GATAD2B: variants seen among roughly 807,000 people sequenced by gnomAD.
GATAD2B encodes the protein transcriptional repressor p66-beta.
In GATAD2B, 8 loss-of-function variants were observed where a neutral mutation model predicts 64.3. The observed-to-expected ratio is 0.12, with a 90% CI of 0.07 to 0.22. The LOEUF is 0.22. GATAD2B is among the 10% of genes least tolerant of loss of function. The pLI, the probability that GATAD2B is intolerant of heterozygous loss-of-function variation, is 1.00. For missense variants in GATAD2B, 453 were observed against 752.0 expected, an observed-to-expected ratio of 0.60 and a Z score of 4.65; for synonymous variants, 281 against 271.3, an observed-to-expected ratio of 1.04 and a Z score of -0.35.
chr1:153,905,631 G>A (rs1344298380), intron 1 of GATAD2B, among the ~76,000 whole-genome samples: 1 of 150,044 alleles, frequency 6.7e-6, no homozygotes. Flanking sequence ...CGTAACTACA[G>A]TAATCAAAAC....
intron 1 of GATAD2B, among the ~76,000 whole-genome samples, chr1:153,881,418 T>C (rs1171499557): frequency 6.6e-6 from 1 of 152,160 alleles, no homozygotes; most frequent in East Asian, 1.9e-4. Context: ...CCCTTACCAT[T>C]ATAGCAAATG....
chr1:153,857,693 T>C (rs1476872771), intron 1 of GATAD2B, among the ~76,000 whole-genome samples: 1 of 152,184 alleles, frequency 6.6e-6, no homozygotes, highest in African/African-American at 2.4e-5. Context: ...ATATTTATAA[T>C]CAAGAAGCGC....
At chr1:153,913,132 T>C (rs954619070) in intron 1 of GATAD2B, among the ~76,000 whole-genome samples, 5 of 151,126 alleles carry the variant, frequency 3.3e-5, no homozygotes, top group African/African-American at 7.3e-5. Context: ...TTCACCACGC[T>C]GGCCAGGCTG....
intron 1 of GATAD2B, among the ~76,000 whole-genome samples, chr1:153,848,975 C>CA (rs982359556): frequency 6.7e-6 from 1 of 149,946 alleles, no homozygotes; most frequent in Admixed American, 6.7e-5. Flanking sequence ...ACAAACAAAC[C>CA]CCCCCCCTCC....
intron 1 of GATAD2B, among the ~76,000 whole-genome samples, chr1:153,842,954 C>CTT (rs11424016): frequency 1.5e-3 from 176 of 117,470 alleles, no homozygotes; most frequent in Middle Eastern, 5.8e-3. Context: ...CTCGCCCAGC[C>CTT]TTTTTTTTTT....
intron 1 of GATAD2B, among the ~76,000 whole-genome samples, chr1:153,904,707 A>G (rs1020256151): frequency 1.3e-5 from 2 of 151,160 alleles, no homozygotes; most frequent in African/African-American, 4.9e-5. Flanking sequence ...AGGCCCAGCT[A>G]ATTTTTTTTT....
chr1:153,822,000 G>C (rs560469623), intron 2 of GATAD2B, among the ~76,000 whole-genome samples: 8 of 151,914 alleles, frequency 5.3e-5, no homozygotes, highest in Non-Finnish European at 1.2e-4. Context: ...GGCCAACGTG[G>C]AGAAACCCTG....
In GATAD2B at chr1:153,818,899, C is replaced by T; in HGVS notation, c.489G>A (p.Gln163=). The change falls in exon 4 of 11, where the codon CAG becomes CAA. Residue 163 remains glutamine, a synonymous_variant. Coordinates refer to ENST00000368655, the MANE Select transcript of GATAD2B (RefSeq NM_020699.4). ...MFKGKGIEER[Q]QLIKQLRDEL... is the part of the protein sequence containing the mutation. Reference sequence around the variant, plus strand: ...CATCCCTCAGCTGCTTGATAAGCTGCTGCCGCTCCTCAATGCCTTTCCCCT... The same window carrying T: ...CATCCCTCAGCTGCTTGATAAGCTGTTGCCGCTCCTCAATGCCTTTCCCCT... 1 of 1,611,932 alleles carries T rather than the reference C, an allele frequency of 6.2e-7. No homozygotes were observed. Among genetic ancestry groups the T allele is most frequent in the South Asian group, 1.1e-5 (1 of 91,082 alleles).
intron 1 of GATAD2B, among the ~76,000 whole-genome samples, chr1:153,905,870 C>G (rs1426829702): frequency 6.6e-6 from 1 of 151,782 alleles, no homozygotes; most frequent in African/African-American, 2.4e-5. Flanking sequence ...AGTTCGAGAC[C>G]AGCCTGGCCA....
chr1:153,881,744 A>G (rs574657925), intron 1 of GATAD2B, among the ~76,000 whole-genome samples: 2 of 152,102 alleles, frequency 1.3e-5, no homozygotes, highest in Non-Finnish European at 2.9e-5. Context: ...AGAGAACAGA[A>G]AAAGGAGGAA....
intron 1 of GATAD2B, among the ~76,000 whole-genome samples, chr1:153,878,624 A>G (rs1385583072): frequency 6.6e-6 from 1 of 152,104 alleles, no homozygotes; most frequent in Non-Finnish European, 1.5e-5. Flanking sequence ...CTAGACTGCA[A>G]CCTGATAAAA....
intron 1 of GATAD2B, among the ~76,000 whole-genome samples, chr1:153,855,250 T>G (rs1196094568): frequency 6.6e-6 from 1 of 152,094 alleles, no homozygotes; most frequent in South Asian, 2.1e-4. Context: ...TGTTGTTGTT[T>G]TTGAGACAGA....
chr1:153,890,909 T>C (rs1259132045), intron 1 of GATAD2B: 3 of 152,070 alleles, frequency 2.0e-5, no homozygotes, highest in Admixed American at 2.0e-4. Flanking sequence ...TGCCGACAGG[T>C]GCGGTGGCTC....
chr1:153,855,701 G>T (rs1214055440), intron 1 of GATAD2B, among the ~76,000 whole-genome samples: 1 of 151,834 alleles, frequency 6.6e-6, no homozygotes, highest in Non-Finnish European at 1.5e-5. Context: ...TTTACACAGG[G>T]TCTGGCTCTG....
At chr1:153,822,664 C>T (rs1047035078) in intron 2 of GATAD2B, among the ~76,000 whole-genome samples, 2 of 152,002 alleles carry the variant, frequency 1.3e-5, no homozygotes, top group East Asian at 1.9e-4. Context: ...CCACCACACC[C>T]GGCTAATTTT....
At chr1:153,817,350 T>A in intron 6 of GATAD2B, 22 bp downstream of exon 6, 1 of 1,507,970 alleles carries the variant, frequency 6.6e-7, no homozygotes, top group Non-Finnish European at 8.9e-7. Context: ...TGTTTCCACA[T>A]TAGGGCTCAG....
At chr1:153,826,418 CA>C (rs2101889934) in intron 2 of GATAD2B, among the ~76,000 whole-genome samples, 1 of 151,264 alleles carries the variant, frequency 6.6e-6, no homozygotes, top group African/African-American at 2.4e-5. Flanking sequence ...CACCTGAGGT[CA>C]GGAGTTCGAG....
At chr1:153,839,413 G>A (rs1482784822) in intron 1 of GATAD2B, among the ~76,000 whole-genome samples, 2 of 152,126 alleles carry the variant, frequency 1.3e-5, no homozygotes, top group Non-Finnish European at 2.9e-5. Context: ...ACAAGGCAAT[G>A]TACAAGGCCC....
chr1:153,885,306 C>T (rs570424866), intron 1 of GATAD2B, among the ~76,000 whole-genome samples: 5 of 152,196 alleles, frequency 3.3e-5, no homozygotes, highest in African/African-American at 1.2e-4. Context: ...GAAGTAAAAA[C>T]ACATAAAGTC....
Sources: gnomAD v4.1 joint callset for allele counts (sites outside exome capture counted in the v4.1 genomes callset) on GRCh38, gnomAD v4.1.1 for gene constraint, MANE v1.5 for transcripts, NCBI Gene and HGNC (gene_info 2026-07-23, HGNC 2026-07-21) for gene names.